The following TES variants were observed in gnomAD, a reference collection of about 807,000 sequenced individuals.
TES encodes testin LIM domain protein, also known as testin.
In TES, 41 loss-of-function variants were observed where a neutral mutation model predicts 48.2. The observed-to-expected ratio is 0.85, with a 90% CI of 0.66 to 1.10. The LOEUF (loss-of-function observed/expected upper bound fraction) is 1.10, where lower values mean the gene tolerates loss of function less well. Ranked by LOEUF, TES falls within the 50% of genes least tolerant of loss-of-function variation. The pLI is 0.00. For missense variants in TES, 463 were observed against 515.1 expected, an observed-to-expected ratio of 0.90 and a Z score of 0.98; for synonymous variants, 162 against 174.9, an observed-to-expected ratio of 0.93 and a Z score of 0.58.
chr7:116,239,541 A>G (rs952763944), intron 2 of TES, among the ~76,000 whole-genome samples: 11 of 152,246 alleles, frequency 7.2e-5, no homozygotes, highest in African/African-American at 2.2e-4. Context: ...ATTTGAACTC[A>G]GAGTTTTCCA....
intron 1 of TES, chr7:116,223,026 G>A (rs1799575042): frequency 3.1e-6 from 3 of 983,206 alleles, no homozygotes; most frequent in Admixed American, 1.2e-4. Flanking sequence ...GTATTCTATT[G>A]GTAAGCATTT....
chr7:116,217,817 C>A (rs764912537), intron 1 of TES: 1 of 518,208 alleles, frequency 1.9e-6, no homozygotes, highest in Non-Finnish European at 3.9e-6. Flanking sequence ...CTTTGACTCT[C>A]CTACAAAAGA....
At chr7:116,255,688 C>G (rs1800088915) in intron 6 of TES, among the ~76,000 whole-genome samples, 2 of 152,138 alleles carry the variant, frequency 1.3e-5, no homozygotes, top group Admixed American at 1.3e-4. Flanking sequence ...GGTCTGAAAG[C>G]AAGGGAATAA....
At chr7:116,239,885 G>GT (rs144622474) in intron 2 of TES, among the ~76,000 whole-genome samples, 18,192 of 152,144 alleles carry the variant, frequency 0.12, 1,077 homozygotes, top group South Asian at 0.19. Flanking sequence ...TTTATAGCCA[G>GT]TTATTTCACA....
intron 2 of TES, 124 bp downstream of exon 2, chr7:116,234,743 T>C (rs890019775): frequency 4.1e-6 from 3 of 738,680 alleles, no homozygotes; most frequent in Non-Finnish European, 6.9e-6. Flanking sequence ...TACTGTCTTT[T>C]CTGAGAAATG....
intron 2 of TES, among the ~76,000 whole-genome samples, chr7:116,240,112 G>A (rs550555331): frequency 2.0e-5 from 3 of 152,292 alleles, no homozygotes; most frequent in Admixed American, 6.5e-5. Context: ...ATTAATACTT[G>A]TGTTGAATTC....
chr7:116,257,214 A>G, intron 6 of TES, 80 bp from the exon 7 acceptor site: 2 of 1,377,476 alleles, frequency 1.5e-6, no homozygotes, highest in Non-Finnish European at 2.0e-6. Context: ...TTTATCATCT[A>G]AAGAAATATG....
chr7:116,244,050 A>G (rs1008448565), intron 2 of TES: 2 of 152,150 alleles, frequency 1.3e-5, no homozygotes, highest in African/African-American at 2.4e-5. Context: ...ACCTCCCACC[A>G]TGTCCCTCCC....
intron 1 of TES, among the ~76,000 whole-genome samples, chr7:116,220,433 T>C (rs1799542998): frequency 6.6e-6 from 1 of 152,170 alleles, no homozygotes; most frequent in South Asian, 2.1e-4. Flanking sequence ...CTTTGACTTT[T>C]CCAGACATAG....
chr7:116,216,895 A>G (rs1273850882), intron 1 of TES, among the ~76,000 whole-genome samples: 2 of 152,114 alleles, frequency 1.3e-5, no homozygotes, highest in Non-Finnish European at 2.9e-5. Context: ...TGGAACATTT[A>G]TTTTCTTTAA....
In TES at chr7:116,210,612, G is replaced by A; in HGVS notation, c.-96G>A. ...TGTTGAGCGGCGCCGCGGGAGTTCC[G>A]CAGGTTTCCCGTGTTCGCAGCGGAG... On this transcript the variant is annotated 5_prime_UTR_variant, in exon 1 of 7. Coordinates refer to ENST00000358204, the MANE Select transcript of TES (RefSeq NM_015641.4). The A allele has an allele frequency of 2.4e-6, 3 of 1,230,928 alleles. No homozygotes were observed. The highest frequency in any genetic ancestry group is 3.1e-6 in the Non-Finnish European group (3 of 962,800). 76.3% of individuals were successfully genotyped at this position (1,230,928 alleles called of 1,614,324 possible).
At chr7:116,223,818 TTATAA>T (rs1021682145) in intron 1 of TES, among the ~76,000 whole-genome samples, 6 of 152,314 alleles carry the variant, frequency 3.9e-5, no homozygotes, top group African/African-American at 1.2e-4. Context: ...CTGTTCCCCT[TTATAA>T]TATGTCTGTC....
chr7:116,252,111 C>G (rs974765776), intron 5 of TES, 136 bp downstream of exon 5: 2 of 1,037,402 alleles, frequency 1.9e-6, no homozygotes, highest in South Asian at 3.3e-5. Context: ...AAATAAACTT[C>G]TGATATCATT....
intron 1 of TES, among the ~76,000 whole-genome samples, chr7:116,232,250 A>G (rs1264813769): frequency 6.6e-6 from 1 of 152,228 alleles, no homozygotes; most frequent in Non-Finnish European, 1.5e-5. Context: ...GCATATTTCT[A>G]GATATTATCT....
chr7:116,254,084 T>C (rs1800058159), intron 6 of TES, among the ~76,000 whole-genome samples: 1 of 152,234 alleles, frequency 6.6e-6, no homozygotes, highest in Non-Finnish European at 1.5e-5. Flanking sequence ...TGTAACCTGA[T>C]ACATTATTTA....
chr7:116,242,015 C>T (rs1799855027), intron 2 of TES, among the ~76,000 whole-genome samples: 1 of 152,128 alleles, frequency 6.6e-6, no homozygotes, highest in South Asian at 2.1e-4. Context: ...TATTATTTAT[C>T]TTTCAGATTC....
intron 1 of TES, among the ~76,000 whole-genome samples, chr7:116,216,824 A>G (rs1168467340): frequency 6.6e-6 from 1 of 152,120 alleles, no homozygotes; most frequent in Non-Finnish European, 1.5e-5. Context: ...TGTGGGTCCC[A>G]TAAGTCTAGG....
intron 6 of TES, among the ~76,000 whole-genome samples, chr7:116,254,757 TA>T: frequency 2.0e-5 from 1 of 50,384 alleles, no homozygotes; most frequent in Admixed American, 1.9e-4. Flanking sequence ...AATATATATA[TA>T]TGTGTGTGTG....
chr7:116,244,513 T>TC (rs2116615543), intron 2 of TES, among the ~76,000 whole-genome samples: 1 of 152,350 alleles, frequency 6.6e-6, no homozygotes, highest in East Asian at 1.9e-4. Context: ...AAAGGTGGGT[T>TC]CCCATGGCCT....
Sources: gnomAD v4.1 joint callset for allele counts (sites outside exome capture counted in the v4.1 genomes callset) on GRCh38, gnomAD v4.1.1 for gene constraint, MANE v1.5 for transcripts, NCBI Gene and HGNC (gene_info 2026-07-23, HGNC 2026-07-21) for gene names.